Variants in KCND2 observed in about 807,000 individuals in gnomAD.
KCND2 encodes potassium voltage-gated channel subfamily D member 2.
A neutral mutation model predicts 54.4 loss-of-function variants in KCND2; 16 were observed. The ratio of observed to expected loss-of-function variants is 0.29; its 90% CI spans 0.20 to 0.45. The LOEUF is 0.45. Ranked by LOEUF, KCND2 falls within the 20% of genes least tolerant of loss-of-function variation. KCND2 has a pLI of 1.00. For synonymous variants in KCND2, 317 were observed against 310.7 expected, an observed-to-expected ratio of 1.02 and a Z score of -0.21; for missense variants, 486 against 824.2, an observed-to-expected ratio of 0.59 and a Z score of 5.02.
At chr7:120,358,997 T>C (rs1245927219) in intron 1 of KCND2, among the ~76,000 whole-genome samples, 2 of 152,192 alleles carry the variant, frequency 1.3e-5, no homozygotes, top group East Asian at 3.8e-4. Context: ...GGTCAGATAC[T>C]TTAAAATAGA....
At chr7:120,655,325 AAAG>A (rs532027099) in intron 1 of KCND2, among the ~76,000 whole-genome samples, 29 of 152,190 alleles carry the variant, frequency 1.9e-4, no homozygotes, top group Non-Finnish European at 2.6e-4. Context: ...AAACTTTTGA[AAAG>A]AAGAATGTTT....
chr7:120,282,339 G>A (rs1220618933), intron 1 of KCND2, among the ~76,000 whole-genome samples: 1 of 152,098 alleles, frequency 6.6e-6, no homozygotes, highest in Non-Finnish European at 1.5e-5. Flanking sequence ...TTTTAAAATA[G>A]GGAAATATTG....
At chr7:120,460,886 T>C (rs1310916914) in intron 1 of KCND2, among the ~76,000 whole-genome samples, 1 of 152,190 alleles carries the variant, frequency 6.6e-6, no homozygotes, top group Non-Finnish European at 1.5e-5. Context: ...TGTAGTTCTC[T>C]TTCTTATAGA....
chr7:120,372,614 A>T (rs1800780319), intron 1 of KCND2, among the ~76,000 whole-genome samples: 1 of 151,922 alleles, frequency 6.6e-6, no homozygotes, highest in African/African-American at 2.4e-5. Flanking sequence ...AGTTTTTTAT[A>T]AAGAACTACC....
chr7:120,550,402 G>T (rs906390917), intron 1 of KCND2, among the ~76,000 whole-genome samples: 3 of 151,972 alleles, frequency 2.0e-5, no homozygotes, highest in Non-Finnish European at 4.4e-5. Flanking sequence ...AGAATAAAAT[G>T]GTTGGAATTG....
intron 1 of KCND2, among the ~76,000 whole-genome samples, chr7:120,353,172 C>G (rs1744336381): frequency 9.7e-6 from 1 of 103,074 alleles, no homozygotes; most frequent in African/African-American, 3.7e-5. Context: ...CAAACTATAA[C>G]ACACAGCCTG....
At chr7:120,690,612 A>G (rs11489533) in intron 1 of KCND2, among the ~76,000 whole-genome samples, 42,904 of 152,080 alleles carry the variant, frequency 0.28, 6,572 homozygotes, top group East Asian at 0.44. Flanking sequence ...GATGGGTGTA[A>G]GAAGTGAAGT....
intron 1 of KCND2, among the ~76,000 whole-genome samples, chr7:120,332,969 A>T (rs886815037): frequency 3.9e-5 from 6 of 152,094 alleles, no homozygotes; most frequent in African/African-American, 1.4e-4. Flanking sequence ...CCTTACATAC[A>T]GTTTAAAATT....
In KCND2 at chr7:120,322,820, C is replaced by T. The variant is rs538236325; in HGVS notation, c.1115+47073C>T. On this transcript the variant is annotated intron_variant, in intron 1 of 5. Coordinates refer to ENST00000331113, the MANE Select transcript of KCND2 (RefSeq NM_012281.3). ...ATAACAGAAAATCTGTCTGAATACACGGTGTTTAAGGGTTAGATCAATCAA... is the reference window on the plus strand; with the variant it reads ...ATAACAGAAAATCTGTCTGAATACATGGTGTTTAAGGGTTAGATCAATCAA... 9.2e-5 allele frequency among the ~76,000 whole-genome samples: 14 copies of T among 151,820 alleles called. No homozygotes were observed. In the South Asian group the frequency reaches 2.1e-3, roughly 23 times the overall value.
chr7:120,733,396 C>A (rs1184150799), intron 2 of KCND2, among the ~76,000 whole-genome samples: 1 of 152,112 alleles, frequency 6.6e-6, no homozygotes, highest in Non-Finnish European at 1.5e-5. Context: ...TGGTTTGAGT[C>A]ACTTTCTTGT....
At chr7:120,697,353 C>A (rs376632922) in intron 1 of KCND2, among the ~76,000 whole-genome samples, 13 of 152,000 alleles carry the variant, frequency 8.6e-5, no homozygotes, top group African/African-American at 2.7e-4. Context: ...AAAGAATTCC[C>A]TTTTAGATTT....
intron 1 of KCND2, among the ~76,000 whole-genome samples, chr7:120,505,219 T>C (rs1802995742): frequency 6.6e-6 from 1 of 151,598 alleles, no homozygotes. Flanking sequence ...TGGCGTGAGG[T>C]GGCCAAAGAT....
chr7:120,314,447 G>A (rs901784187), intron 1 of KCND2, among the ~76,000 whole-genome samples: 1 of 152,010 alleles, frequency 6.6e-6, no homozygotes, highest in Non-Finnish European at 1.5e-5. Flanking sequence ...AATTGATAAT[G>A]TATGGACAGT....
intron 1 of KCND2, among the ~76,000 whole-genome samples, chr7:120,516,786 C>G (rs1360079493): frequency 6.6e-6 from 1 of 152,090 alleles, no homozygotes; most frequent in African/African-American, 2.4e-5. Flanking sequence ...TACATAAACT[C>G]ATGCAGGCTT....
chr7:120,461,296 A>G lies in KCND2; in HGVS notation c.1115+185549A>G, dbSNP rs1355269984. Among the ~76,000 whole-genome samples the G allele has an allele frequency of 3.3e-5, 5 of 152,318 alleles. No homozygotes were observed. The East Asian group carries it at 9.6e-4, about 29-fold the overall frequency. ...ATCACTCTGATTCTCTGTGGAAAATATCCACAAGAGCAGACACTTTTTCAC... is the reference window on the plus strand; with the variant it reads ...ATCACTCTGATTCTCTGTGGAAAATGTCCACAAGAGCAGACACTTTTTCAC... On this transcript the variant is annotated intron_variant, in intron 1 of 5. Coordinates refer to ENST00000331113, the MANE Select transcript of KCND2 (RefSeq NM_012281.3).
At position 120,275,204 on chromosome 7, in the gene KCND2, C is replaced by T; in HGVS notation, c.572C>T (p.Thr191Met). Residue 191 changes from threonine to methionine, a missense_variant, in exon 1 of 6, where the codon ACG (threonine) becomes ATG (methionine). Around this residue, in one of 7 missense-constraint regions of KCND2, gnomAD observed 231 missense variants for 386.0 expected, o/e 0.60. Coordinates refer to ENST00000331113, the MANE Select transcript of KCND2 (RefSeq NM_012281.3). ...STMALVFYYV[T>M]GFFIAVSVIA... ...ATGGCCCTGGTGTTCTACTATGTCACGGGGTTTTTCATTGCCGTCTCTGTC... is the reference window on the plus strand; with the variant it reads ...ATGGCCCTGGTGTTCTACTATGTCATGGGGTTTTTCATTGCCGTCTCTGTC... 2 of 1,613,984 alleles carry T rather than the reference C, an allele frequency of 1.2e-6. No homozygotes were observed. Among genetic ancestry groups the T allele is most frequent in the African/African-American group, 1.3e-5 (1 of 75,008 alleles).
intron 1 of KCND2, among the ~76,000 whole-genome samples, chr7:120,311,006 C>T (rs1393027573): frequency 6.6e-6 from 1 of 151,126 alleles, no homozygotes; most frequent in African/African-American, 2.4e-5. Context: ...TTTATGTATG[C>T]ATACATGTAT....
At chr7:120,521,286 T>C (rs772844507) in intron 1 of KCND2, among the ~76,000 whole-genome samples, 16 of 152,124 alleles carry the variant, frequency 1.1e-4, no homozygotes, top group Non-Finnish European at 2.2e-4. Flanking sequence ...AACTTTGTTT[T>C]CAGACTGCAA....
intron 1 of KCND2, among the ~76,000 whole-genome samples, chr7:120,596,644 G>T (rs183345141): frequency 1.3e-5 from 2 of 152,242 alleles, no homozygotes; most frequent in East Asian, 1.9e-4. Flanking sequence ...GATCAGCATT[G>T]AGAAGAATAT....
Sources: allele counts gnomAD v4.1 joint callset (sites outside exome capture counted in the v4.1 genomes callset), GRCh38; gene constraint gnomAD v4.1.1; regional missense constraint gnomAD v4.1.1; transcripts MANE v1.5; gene names NCBI Gene and HGNC (gene_info 2026-07-23, HGNC 2026-07-21).